The following ACYP2 variants were observed in gnomAD, a reference collection of about 807,000 sequenced individuals.
ACYP2 encodes the protein acylphosphatase 2.
ACYP2 carries 12 observed loss-of-function variants against 11.2 expected under a neutral mutation model. That is an observed-to-expected ratio of 1.08 (90% CI 0.69 to 1.74). The LOEUF (loss-of-function observed/expected upper bound fraction) is 1.74. Among genes scored for constraint, ACYP2 ranks in the 40% most tolerant of loss-of-function variants. The probability of loss-of-function intolerance (pLI) is 0.00; values close to 1 mark genes in which losing one functional copy is unlikely to be tolerated. For missense variants in ACYP2, 134 were observed against 101.9 expected, an observed-to-expected ratio of 1.31 and a Z score of -1.35; for synonymous variants, 43 against 32.2, an observed-to-expected ratio of 1.33 and a Z score of -1.13.
chr2:54,090,412 C>T (rs144941371), intron 4 of ACYP2, among the ~76,000 whole-genome samples: 1 of 152,086 alleles, frequency 6.6e-6, no homozygotes, highest in African/African-American at 2.4e-5. Context: ...GGGCAGATCA[C>T]GAGGTAAGGA....
chr2:54,296,066 G>A (rs532462704), intron 6 of ACYP2, among the ~76,000 whole-genome samples: 2 of 152,256 alleles, frequency 1.3e-5, no homozygotes, highest in African/African-American at 4.8e-5. Flanking sequence ...GCCTGATCCT[G>A]CCACCTTCTT....
intron 6 of ACYP2, among the ~76,000 whole-genome samples, chr2:54,219,905 A>T (rs1031791279): frequency 0.021 from 1,565 of 75,692 alleles, 26 homozygotes; most frequent in African/African-American, 0.036. Flanking sequence ...ATATATATAT[A>T]TTTTTTTTTT....
intron 4 of ACYP2, among the ~76,000 whole-genome samples, chr2:54,121,045 C>T (rs906130497): frequency 6.6e-5 from 10 of 152,150 alleles, no homozygotes; most frequent in Non-Finnish European, 1.2e-4. Flanking sequence ...TCCTATAGCT[C>T]GGCGAGCATG....
intron 2 of ACYP2, among the ~76,000 whole-genome samples, chr2:54,015,399 G>A (rs1040901199): frequency 4.0e-5 from 6 of 151,460 alleles, no homozygotes; most frequent in African/African-American, 9.7e-5. Context: ...TCCCAGCTAC[G>A]TGGGAGGCTG....
intron 6 of ACYP2, among the ~76,000 whole-genome samples, chr2:54,268,639 CAA>C (rs34122735): frequency 2.1e-4 from 17 of 81,266 alleles, no homozygotes; most frequent in Admixed American, 2.8e-4. Flanking sequence ...CAGTCTCTAC[CAA>C]AAAAAAAAAA....
rs145990921 is a variant in ACYP2, at chr2:54,206,845, G to A, written c.404+68097G>A. ...TTCGTGGGTTCCATCCATATTGTTC[G>A]GGGCAGGCTTTTTGAGTGATTTGAA... is the stretch of plus-strand genomic sequence containing the variant. On this transcript the variant is annotated intron_variant, in intron 6 of 6. Coordinates refer to ENST00000607452, the MANE Select transcript of ACYP2 (RefSeq NM_001320586.2). Among the ~76,000 whole-genome samples the A allele has an allele frequency of 4.8e-3, 734 of 152,262 alleles. 10 individuals are homozygous for A. Among genetic ancestry groups the A allele is most frequent in the African/African-American group, 0.017 (692 of 41,536 alleles).
chr2:54,087,990 G>C (rs1343352625), intron 4 of ACYP2, among the ~76,000 whole-genome samples: 1 of 152,188 alleles, frequency 6.6e-6, no homozygotes, highest in Non-Finnish European at 1.5e-5. Context: ...CTTCAGAGAA[G>C]GTTGTGCTGT....
intron 3 of ACYP2, among the ~76,000 whole-genome samples, chr2:54,054,585 C>T (rs1031470559): frequency 1.3e-5 from 2 of 152,164 alleles, no homozygotes; most frequent in African/African-American, 4.8e-5. Flanking sequence ...TGTGTGTTAA[C>T]CATGCTATAA....
At chr2:54,117,392 C>T (rs1404193526) in intron 4 of ACYP2, among the ~76,000 whole-genome samples, 1 of 152,154 alleles carries the variant, frequency 6.6e-6, no homozygotes, top group East Asian at 1.9e-4. Flanking sequence ...AACTCCTGGG[C>T]TCAAGTGATC....
intron 6 of ACYP2, among the ~76,000 whole-genome samples, chr2:54,219,363 G>C (rs1029453055): frequency 6.6e-6 from 1 of 151,974 alleles, no homozygotes; most frequent in Non-Finnish European, 1.5e-5. Flanking sequence ...TCATATTATA[G>C]GGCAATAGAA....
chr2:54,120,893 C>T (rs2112125), intron 4 of ACYP2, among the ~76,000 whole-genome samples: 16,777 of 152,166 alleles, frequency 0.11, 979 homozygotes, highest in Non-Finnish European at 0.13. Flanking sequence ...AGTCCTGAGG[C>T]CTGAGCCTCC....
At chr2:54,262,734 A>T (rs1407857698) in intron 6 of ACYP2, among the ~76,000 whole-genome samples, 1 of 152,046 alleles carries the variant, frequency 6.6e-6, no homozygotes, top group Non-Finnish European at 1.5e-5. Context: ...TTTTAGAAAT[A>T]ACTTTTTATG....
At chr2:54,231,206 C>G (rs1686221321) in intron 6 of ACYP2, among the ~76,000 whole-genome samples, 1 of 152,170 alleles carries the variant, frequency 6.6e-6, no homozygotes, top group African/African-American at 2.4e-5. Flanking sequence ...AAGCTGTACC[C>G]TGACCACCTT....
chr2:53,981,595 C>T (rs546883780), intron 2 of ACYP2, among the ~76,000 whole-genome samples: 8 of 152,232 alleles, frequency 5.3e-5, no homozygotes, highest in East Asian at 1.9e-4. Flanking sequence ...CCATTTGCCA[C>T]GCATAAAAAG....
chr2:54,017,992 A>C (rs956913649), intron 2 of ACYP2, among the ~76,000 whole-genome samples: 1 of 151,942 alleles, frequency 6.6e-6, no homozygotes, highest in Admixed American at 6.6e-5. Context: ...GAGCCACTGC[A>C]CCTGGCCAGT....
chr2:54,112,186 A>T (rs1329027343), intron 4 of ACYP2, among the ~76,000 whole-genome samples: 1 of 152,222 alleles, frequency 6.6e-6, no homozygotes, highest in East Asian at 1.9e-4. Context: ...ATTACCTTAA[A>T]CATGATCCTA....
chr2:54,080,256 T>C, intron 4 of ACYP2: 1 of 152,524 alleles, frequency 6.6e-6, no homozygotes, highest in Non-Finnish European at 1.5e-5. Flanking sequence ...GGCAACACCA[T>C]TGTTTCTTCT....
intron 4 of ACYP2, among the ~76,000 whole-genome samples, chr2:54,112,540 T>G (rs1679514753): frequency 6.6e-6 from 1 of 152,234 alleles, no homozygotes; most frequent in Non-Finnish European, 1.5e-5. Flanking sequence ...CATGCATAAA[T>G]ATTTTCTTTT....
intron 6 of ACYP2, among the ~76,000 whole-genome samples, chr2:54,280,768 G>A (rs935269024): frequency 1.3e-5 from 2 of 152,218 alleles, no homozygotes; most frequent in African/African-American, 4.8e-5. Flanking sequence ...ATGGGTAGAA[G>A]AGTAAGTGTG....
Sources: allele counts gnomAD v4.1 joint callset (sites outside exome capture counted in the v4.1 genomes callset), GRCh38; gene constraint gnomAD v4.1.1; transcripts MANE v1.5; gene names NCBI Gene and HGNC (gene_info 2026-07-23, HGNC 2026-07-21).